Variants in OR9Q1 observed in about 807,000 individuals in gnomAD.
OR9Q1 encodes olfactory receptor 9Q1.
For synonymous variants in OR9Q1, 153 were observed against 148.6 expected, an observed-to-expected ratio of 1.03 and a Z score of -0.22; for missense variants, 374 against 378.8, an observed-to-expected ratio of 0.99 and a Z score of 0.11.
intron 2 of OR9Q1, among the ~76,000 whole-genome samples, chr11:58,127,196 C>T (rs932947077): frequency 4.6e-5 from 7 of 152,122 alleles, no homozygotes; most frequent in Admixed American, 1.3e-4. Flanking sequence ...GTGATCTGCC[C>T]GCCTCGGCCT....
At chr11:58,133,601 C>T (rs574909085) in intron 2 of OR9Q1, among the ~76,000 whole-genome samples, 1 of 152,306 alleles carries the variant, frequency 6.6e-6, no homozygotes, top group South Asian at 2.1e-4. Flanking sequence ...CCTTGCATAC[C>T]TACTCCACGT....
chr11:58,089,149 A>G (rs1025703086), intron 2 of OR9Q1, among the ~76,000 whole-genome samples: 2 of 151,762 alleles, frequency 1.3e-5, no homozygotes, highest in African/African-American at 2.4e-5. Context: ...AAGTGTTGGG[A>G]TTACAAGCGT....
At chr11:58,116,335 G>C (rs1254924410) in intron 2 of OR9Q1, among the ~76,000 whole-genome samples, 1 of 152,202 alleles carries the variant, frequency 6.6e-6, no homozygotes, top group Non-Finnish European at 1.5e-5. Flanking sequence ...CCATATCCTA[G>C]TGTGCATGGG....
rs1314725289 is a variant in OR9Q1 at position 58,107,380 on chromosome 11, T to C, written c.-15+51433T>C. ...TGCGGTGTTTGGTTTTCTGTCCTTG[T>C]GATAGTTTGCTCAGAATGATGGTTT... On this transcript the variant is annotated intron_variant, in intron 2 of 2. Transcript: ENST00000335397. Among the ~76,000 whole-genome samples, 4 of 152,172 alleles carry C rather than the reference T, an allele frequency of 2.6e-5. No individual in the cohort carries two copies. In the South Asian group the frequency reaches 8.3e-4, roughly 32 times the overall value.
intron 2 of OR9Q1, among the ~76,000 whole-genome samples, chr11:58,071,230 G>C (rs887573804): frequency 2.6e-5 from 4 of 152,190 alleles, no homozygotes; most frequent in Non-Finnish European, 4.4e-5. Flanking sequence ...GCTCACGCCT[G>C]TAATCCCAGC....
intron 1 of OR9Q1, among the ~76,000 whole-genome samples, chr11:58,024,363 G>T (rs1446552682): frequency 6.7e-6 from 1 of 148,720 alleles, no homozygotes; most frequent in Non-Finnish European, 1.5e-5. Flanking sequence ...GTTTTTTTTT[G>T]AAATCATTTC....
chr11:58,054,099 C>T (rs1853303514), intron 1 of OR9Q1, among the ~76,000 whole-genome samples: 1 of 152,116 alleles, frequency 6.6e-6, no homozygotes. Flanking sequence ...CATTGTGCCC[C>T]ATGAATACAT....
intron 2 of OR9Q1, among the ~76,000 whole-genome samples, chr11:58,064,516 C>T (rs1351417598): frequency 6.6e-6 from 1 of 152,136 alleles, no homozygotes; most frequent in Non-Finnish European, 1.5e-5. Flanking sequence ...GGTCATCCCT[C>T]CAACCACGCC....
In OR9Q1 at chr11:58,127,954, A is replaced by C. The variant is rs566603136; in HGVS notation, c.-14-51477A>C. The stretch of plus-strand genomic sequence containing the variant: ...TAAAGTGTTTTTGGTTACATCAACA[A>C]ATTTCATTTTTTAATTTTTAAGTCA... On this transcript the variant is annotated intron_variant, in intron 2 of 2. Coordinates refer to ENST00000335397, the MANE Select transcript of OR9Q1 (RefSeq NM_001005212.4). 6.6e-5 allele frequency among the ~76,000 whole-genome samples: 10 copies of C among 152,312 alleles called. No individual in the cohort carries two copies. The East Asian group carries it at 1.9e-3, about 29-fold the overall frequency.
At chr11:58,059,883 A>G (rs1295687710) in intron 2 of OR9Q1, 3 of 152,242 alleles carry the variant, frequency 2.0e-5, no homozygotes, top group Admixed American at 6.5e-5. Flanking sequence ...ATGATAGGTT[A>G]CATTACCCTA....
chr11:58,073,766 T>A (rs1235511759), intron 2 of OR9Q1: 1 of 152,174 alleles, frequency 6.6e-6, no homozygotes, highest in Non-Finnish European at 1.5e-5. Context: ...AAGCCCCTCA[T>A]ATATTAGGTA....
Position 58,179,473 on chromosome 11 carries a change from C to A in OR9Q1, c.29C>A (p.Thr10Asn). 2 of 1,575,446 alleles carry A rather than the reference C, an allele frequency of 1.3e-6. No individual in the cohort carries two copies. The highest frequency in any genetic ancestry group is 1.7e-6 in the Non-Finnish European group (2 of 1,159,358). MAEMNLTLV[T>N]EFLLIAFTEY... is the part of the protein sequence containing the mutation. ...GCAGAGATGAACCTCACCTTGGTGA[C>A]CGAGTTCCTCCTTATTGCATTCACT... Residue 10 changes from threonine to asparagine, a missense_variant, in exon 3 of 3, where the codon ACC becomes AAC. Thr to Asn is a moderately conservative substitution (Grantham distance 65). Transcript: ENST00000335397.
At position 58,180,270 on chromosome 11, in the gene OR9Q1, C is replaced by T; in HGVS notation, c.826C>T (p.Leu276Phe). The T allele has an allele frequency of 6.2e-7, 1 of 1,613,060 alleles. No homozygotes were observed. Among genetic ancestry groups the T allele is most frequent in the Non-Finnish European group, 8.5e-7 (1 of 1,179,050 alleles). ...SSEKNRVVSV[L>F]YTEVIPMLNP... ...GGAGAAGAATCGGGTAGTGTCTGTGCTTTACACAGAGGTCATCCCCATGTT... is the reference window on the plus strand; with the variant it reads ...GGAGAAGAATCGGGTAGTGTCTGTGTTTTACACAGAGGTCATCCCCATGTT... The change falls in exon 3 of 3, where the codon CTT (leucine) becomes TTT (phenylalanine). Residue 276 changes from leucine to phenylalanine, a missense_variant. Coordinates refer to ENST00000335397, the MANE Select transcript of OR9Q1 (RefSeq NM_001005212.4).
At chr11:58,033,066 T>C (rs1324817666) in intron 1 of OR9Q1, among the ~76,000 whole-genome samples, 1 of 152,208 alleles carries the variant, frequency 6.6e-6, no homozygotes, top group Non-Finnish European at 1.5e-5. Context: ...TATCATCTCA[T>C]GCCAGTTAGA....
At chr11:58,170,873 G>A (rs934172477) in intron 2 of OR9Q1, among the ~76,000 whole-genome samples, 1 of 152,188 alleles carries the variant, frequency 6.6e-6, no homozygotes, top group Admixed American at 6.5e-5. Context: ...TTTATCAGCA[G>A]CATGAAAATG....
intron 2 of OR9Q1, among the ~76,000 whole-genome samples, chr11:58,069,008 T>G (rs994702542): frequency 6.6e-6 from 1 of 152,150 alleles, no homozygotes; most frequent in East Asian, 1.9e-4. Flanking sequence ...GGGGAAATTC[T>G]GCTTGTTAGT....
chr11:58,107,582 G>A (rs1222977842), intron 2 of OR9Q1, among the ~76,000 whole-genome samples: 1 of 152,134 alleles, frequency 6.6e-6, no homozygotes, highest in African/African-American at 2.4e-5. Context: ...ACGTGTGCAC[G>A]TGTCTTTATG....
chr11:58,168,254 C>T (rs1854523935), intron 2 of OR9Q1, among the ~76,000 whole-genome samples: 2 of 152,168 alleles, frequency 1.3e-5, no homozygotes, highest in Admixed American at 1.3e-4. Flanking sequence ...CTTTGTCCTC[C>T]TGCAGAGCTA....
chr11:58,116,005 C>T (rs1853950800), intron 2 of OR9Q1, among the ~76,000 whole-genome samples: 1 of 152,000 alleles, frequency 6.6e-6, no homozygotes, highest in Non-Finnish European at 1.5e-5. Context: ...CTTTGTTTAG[C>T]CTATTTTAAA....
Sources: gnomAD v4.1 joint callset for allele counts (sites outside exome capture counted in the v4.1 genomes callset) on GRCh38, gnomAD v4.1.1 for gene constraint, MANE v1.5 for transcripts, NCBI Gene and HGNC (gene_info 2026-07-23, HGNC 2026-07-21) for gene names.